The following RAD51B variants were observed in gnomAD, a reference collection of about 807,000 sequenced individuals.
RAD51B encodes the protein RAD51 paralog B, also known as DNA repair protein RAD51 homolog 2.
RAD51B carries 38 observed loss-of-function variants against 42.2 expected under a neutral mutation model. That is an observed-to-expected ratio of 0.90 (90% CI 0.70 to 1.18). RAD51B has a LOEUF of 1.18. Ranked by LOEUF, RAD51B falls within the 50% of genes most tolerant of loss-of-function variation. The pLI is 0.00. For missense variants in RAD51B, 373 were observed against 400.7 expected (o/e 0.93, Z 0.59); for synonymous variants, 154 against 145.2 (o/e 1.06, Z -0.43).
chr14:68,085,926 G>A (rs1284789769), intron 7 of RAD51B, among the ~76,000 whole-genome samples: 2 of 152,210 alleles, frequency 1.3e-5, no homozygotes, highest in South Asian at 2.1e-4. Context: ...GCGTCTAGGG[G>A]TGAATGTTTA....
At chr14:67,958,084 A>G (rs2074586985) in intron 7 of RAD51B, among the ~76,000 whole-genome samples, 1 of 152,238 alleles carries the variant, frequency 6.6e-6, no homozygotes, top group African/African-American at 2.4e-5. Context: ...GGCTAATGGC[A>G]GCCGTCACGT....
At chr14:68,276,624 G>T (rs1403678585) in intron 7 of RAD51B, among the ~76,000 whole-genome samples, 1 of 152,258 alleles carries the variant, frequency 6.6e-6, no homozygotes, top group African/African-American at 2.4e-5. Flanking sequence ...TATTTCAGAA[G>T]AGGAAGGAAA....
At position 68,077,606 on chromosome 14, in the gene RAD51B, C is replaced by T. The variant is rs1304338470; in HGVS notation, c.756+190402C>T. 3.3e-5 allele frequency among the ~76,000 whole-genome samples: 5 copies of T among 152,260 alleles called. No homozygotes were observed. In the East Asian group the frequency reaches 9.6e-4, roughly 29 times the overall value. On this transcript the variant is annotated intron_variant, in intron 7 of 10. Transcript: ENST00000471583. Reference sequence around the variant, plus strand: ...AGAACAAAACCCCAATCCGTTCTCCCCAAACAAACAAAAATATGAGTTGAA... The same window carrying T: ...AGAACAAAACCCCAATCCGTTCTCCTCAAACAAACAAAAATATGAGTTGAA...
At position 67,885,506 on chromosome 14, in the gene RAD51B, C is replaced by T. The variant is rs759442048; in HGVS notation, c.453-363C>T. Among the ~76,000 whole-genome samples, 57 of 152,156 alleles carry T rather than the reference C, an allele frequency of 3.7e-4. 1 individual carries two copies. The highest frequency in any genetic ancestry group is 3.7e-3 in the Admixed American group (57 of 15,280). ...AATATACCATATTTGTTCAAATATA[C>T]TTATTTCATTCAAGAAAATGAAAGC... On this transcript the variant is annotated intron_variant, in intron 5 of 10. Transcript: ENST00000471583.
intron 7 of RAD51B, among the ~76,000 whole-genome samples, chr14:67,934,878 GGTTATA>G (rs2044880279): frequency 1.3e-5 from 2 of 152,158 alleles, no homozygotes; most frequent in Non-Finnish European, 2.9e-5. Context: ...GGTGTCTCCT[GGTTATA>G]GTCTACAGCC....
intron 7 of RAD51B, among the ~76,000 whole-genome samples, chr14:68,026,043 A>G (rs560507005): frequency 6.6e-6 from 1 of 151,908 alleles, no homozygotes; most frequent in East Asian, 1.9e-4. Flanking sequence ...GGTTTTTGGA[A>G]GTTATGTTTC....
chr14:68,066,500 A>T (rs137987782), intron 7 of RAD51B, among the ~76,000 whole-genome samples: 1 of 152,362 alleles, frequency 6.6e-6, no homozygotes, highest in East Asian at 1.9e-4. Flanking sequence ...TTTGCAAGAA[A>T]ATTTGTAATG....
intron 7 of RAD51B, among the ~76,000 whole-genome samples, chr14:68,214,957 A>G (rs996321095): frequency 6.6e-5 from 10 of 152,206 alleles, no homozygotes; most frequent in African/African-American, 2.2e-4. Flanking sequence ...TAATTATATT[A>G]TGGAAAAAAG....
intron 10 of RAD51B, among the ~76,000 whole-genome samples, chr14:68,603,529 G>T (rs1289964069): frequency 6.6e-6 from 1 of 152,020 alleles, no homozygotes; most frequent in African/African-American, 2.4e-5. Context: ...TCGATTTGGG[G>T]GTCTGTTCTC....
intron 10 of RAD51B, chr14:68,497,242 C>A: frequency 1.5e-6 from 2 of 1,361,564 alleles, no homozygotes; most frequent in Non-Finnish European, 1.9e-6. Flanking sequence ...AAACACCCAT[C>A]GTTCTCTGCT....
chr14:67,958,497 G>A (rs2074596056), intron 7 of RAD51B, among the ~76,000 whole-genome samples: 1 of 152,228 alleles, frequency 6.6e-6, no homozygotes, highest in Non-Finnish European at 1.5e-5. Flanking sequence ...AAAGTTTGGT[G>A]TCTAGTCTTA....
Position 68,655,757 on chromosome 14 carries a change from G to A in RAD51B, c.*11+4901G>A, listed in dbSNP as rs1595049604. ...CAGCCATGGCCAAGAGGGCAGGGAGGAGCTGGAAACCGGCCCTAAGAGGTG... is the reference window on the plus strand; with the variant it reads ...CAGCCATGGCCAAGAGGGCAGGGAGAAGCTGGAAACCGGCCCTAAGAGGTG... On this transcript the variant is annotated intron_variant, in intron 11 of 11. Coordinates refer to the RAD51B transcript ENST00000488612. Among the ~76,000 whole-genome samples the A allele has an allele frequency of 2.0e-5, 3 of 152,360 alleles. No individual in the cohort carries two copies. In the South Asian group the frequency reaches 6.2e-4, roughly 32 times the overall value.
chr14:67,990,994 T>C (rs1299358799), intron 7 of RAD51B, among the ~76,000 whole-genome samples: 3 of 152,160 alleles, frequency 2.0e-5, no homozygotes, highest in Non-Finnish European at 2.9e-5. Flanking sequence ...TATATACTAA[T>C]GGAGAAGAAG....
At chr14:68,518,554 G>GCCCCCCCCCCCCC (rs11341781) in intron 10 of RAD51B, among the ~76,000 whole-genome samples, 3 of 137,358 alleles carry the variant, frequency 2.2e-5, no homozygotes, top group African/African-American at 5.4e-5. Flanking sequence ...GGTCATATGA[G>GCCCCCCCCCCCCC]CCCCCCCCCC....
rs764672889 is a variant in RAD51B, at chr14:68,115,191, T to G, written c.757-176693T>G. Among the ~76,000 whole-genome samples, 261 of 135,548 alleles carry G rather than the reference T, an allele frequency of 1.9e-3. 3 individuals are homozygous for G. Among genetic ancestry groups the G allele is most frequent in the Non-Finnish European group, 3.1e-3 (205 of 66,088 alleles). 88.9% of individuals were successfully genotyped at this position (135,548 alleles called of 152,430 possible). Reference sequence around the variant, plus strand: ...CTGGATTAAGAAAATGTGGCACATATACACCATGGAATACTATGCAGCCAT... The same window carrying G: ...CTGGATTAAGAAAATGTGGCACATAGACACCATGGAATACTATGCAGCCAT... On this transcript the variant is annotated intron_variant, in intron 7 of 10. Transcript: ENST00000471583.
At chr14:68,202,573 CTTTTT>C (rs145298493) in intron 7 of RAD51B, among the ~76,000 whole-genome samples, 26 of 81,644 alleles carry the variant, frequency 3.2e-4, no homozygotes, top group Non-Finnish European at 4.8e-4. Context: ...GAAGCAACGT[CTTTTT>C]TTTTTTTTTT....
At chr14:67,886,928 T>A in intron 6 of RAD51B, 93 bp from the exon 7 acceptor site, 1 of 781,104 alleles carries the variant, frequency 1.3e-6, no homozygotes, top group Admixed American at 3.5e-5. Flanking sequence ...AAAGAATAGT[T>A]TATTGTTTTT....
In RAD51B at chr14:67,842,097, G is replaced by A. The variant is rs562116542; in HGVS notation, c.315+6901G>A. ...TTTTGTAGTTCTCCTTCCAAAGATC[G>A]TTCACCTCCTTGGTTAGATGTATTC... On this transcript the variant is annotated intron_variant, in intron 4 of 10. Transcript: ENST00000471583. Among the ~76,000 whole-genome samples the A allele has an allele frequency of 4.6e-5, 7 of 152,066 alleles. No individual in the cohort carries two copies. The South Asian group carries it at 8.3e-4, about 18-fold the overall frequency.
chr14:68,595,641 A>G (rs1233631864), exon 11 of RAD51B: 8 of 1,044,206 alleles, frequency 7.7e-6, no homozygotes, highest in Non-Finnish European at 8.1e-6. Flanking sequence ...TGTTATTTAT[A>G]CTAGCAAAAA....
Sources: allele counts gnomAD v4.1 joint callset (sites outside exome capture counted in the v4.1 genomes callset), GRCh38; gene constraint gnomAD v4.1.1; transcripts MANE v1.5; gene names NCBI Gene and HGNC (gene_info 2026-07-23, HGNC 2026-07-21).